GPATCH8: variants seen among roughly 807,000 people sequenced by gnomAD.
GPATCH8 encodes G patch domain-containing protein 8.
GPATCH8 carries 18 observed loss-of-function variants against 118.3 expected under a neutral mutation model. The observed-to-expected ratio is 0.15, with a 90% CI of 0.11 to 0.23. GPATCH8 has a LOEUF of 0.23. GPATCH8 is among the 10% of genes least tolerant of loss of function. The pLI is 1.00. For missense variants in GPATCH8, 1,631 were observed against 1,873.8 expected, an observed-to-expected ratio of 0.87 and a Z score of 2.39; for synonymous variants, 659 against 684.7, an observed-to-expected ratio of 0.96 and a Z score of 0.59.
At chr17:44,500,097 C>T (rs1016902133) in intron 1 of GPATCH8, among the ~76,000 whole-genome samples, 1 of 152,126 alleles carries the variant, frequency 6.6e-6, no homozygotes, top group Non-Finnish European at 1.5e-5. Context: ...CTAAAAGCTC[C>T]CTTATTCTTT....
intron 3 of GPATCH8, among the ~76,000 whole-genome samples, chr17:44,451,556 A>C (rs1476693821): frequency 2.0e-5 from 3 of 152,222 alleles, no homozygotes; most frequent in Non-Finnish European, 4.4e-5. Context: ...TACAAGATTG[A>C]ATATTTAAAA....
At chr17:44,453,216 G>A (rs920681042) in intron 3 of GPATCH8, among the ~76,000 whole-genome samples, 2 of 152,108 alleles carry the variant, frequency 1.3e-5, no homozygotes, top group African/African-American at 4.8e-5. Context: ...CAGATTGGAG[G>A]AGCATTAAGG....
At chr17:44,412,713 G>A (rs1289612576) in intron 6 of GPATCH8, among the ~76,000 whole-genome samples, 1 of 152,160 alleles carries the variant, frequency 6.6e-6, no homozygotes, top group East Asian at 1.9e-4. Flanking sequence ...AATAAAAAAA[G>A]ATGTGTTGTA....
chr17:44,461,118 A>G (rs549172109), intron 3 of GPATCH8, among the ~76,000 whole-genome samples: 1 of 152,348 alleles, frequency 6.6e-6, no homozygotes, highest in South Asian at 2.1e-4. Context: ...ACAACTGTAC[A>G]CTTAAAAATG....
chr17:44,464,789 T>C, intron 2 of GPATCH8: 2 of 488,368 alleles, frequency 4.1e-6, no homozygotes, highest in Non-Finnish European at 7.4e-6. Flanking sequence ...TGGGCAACTT[T>C]TGTATATAAC....
chr17:44,491,457 C>T (rs1411652119), intron 1 of GPATCH8, among the ~76,000 whole-genome samples: 1 of 142,232 alleles, frequency 7.0e-6, no homozygotes, highest in African/African-American at 2.7e-5. Context: ...CACTGCACTC[C>T]AGCCTGGTGA....
chr17:44,489,690 G>A (rs1045859685), intron 1 of GPATCH8, among the ~76,000 whole-genome samples: 4 of 151,584 alleles, frequency 2.6e-5, no homozygotes, highest in African/African-American at 9.8e-5. Flanking sequence ...AGAGGAAGGA[G>A]GAAAAATGTG....
intron 1 of GPATCH8, among the ~76,000 whole-genome samples, chr17:44,493,399 A>G (rs1478911199): frequency 6.6e-6 from 1 of 152,202 alleles, no homozygotes; most frequent in East Asian, 1.9e-4. Flanking sequence ...TGAAACAAAA[A>G]TTATAATCTT....
In GPATCH8 at chr17:44,400,964, G is replaced by A; in HGVS notation, c.1113C>T (p.Ala371=). The A allele has an allele frequency of 6.2e-7, 1 of 1,614,066 alleles. No individual in the cohort carries two copies. Among genetic ancestry groups the A allele is most frequent in the Non-Finnish European group, 8.5e-7 (1 of 1,179,992 alleles). ...DEDPQDGGSL[A]STLSKLKRMK... ...TCCTTTTTAATTTGGATAATGTTGA[G>A]GCAAGGGACCCTCCATCCTGAGGGT... The change falls in exon 8 of 8, where the codon GCC becomes GCT. Residue 371 remains alanine, a synonymous_variant. Transcript: ENST00000591680.
chr17:44,403,308 C>T (rs868361774), intron 7 of GPATCH8, among the ~76,000 whole-genome samples: 1 of 152,058 alleles, frequency 6.6e-6, no homozygotes, highest in African/African-American at 2.4e-5. Context: ...CTCTTGGCCT[C>T]GTGATCCACC....
chr17:44,398,047 G>A lies in GPATCH8; in HGVS notation c.4030C>T (p.Pro1344Ser), dbSNP rs1431246793. Residue 1344 changes from proline to serine, a missense_variant, in exon 8 of 8, where the codon CCA becomes TCA. Pro to Ser is a moderately conservative substitution (Grantham distance 74). Transcript: ENST00000591680. Reference sequence around the variant, plus strand: ...GCTGGGGCCAGGGCAGCTGAGGCTGGAAAGGCCTTTACTTGCTTGGCCAGA... The same window carrying A: ...GCTGGGGCCAGGGCAGCTGAGGCTGAAAAGGCCTTTACTTGCTTGGCCAGA... Reference protein sequence around the residue: ...QLLAKQVKAFPASAALAPATP... With the variant: ...QLLAKQVKAFSASAALAPATP... 1 of 1,613,844 alleles carries A rather than the reference G, an allele frequency of 6.2e-7. No individual in the cohort carries two copies.
At chr17:44,497,657 C>CAGCTGG (rs1301755558) in intron 1 of GPATCH8, among the ~76,000 whole-genome samples, 3 of 149,564 alleles carry the variant, frequency 2.0e-5, no homozygotes, top group Admixed American at 6.7e-5. Flanking sequence ...AACAGACTGT[C>CAGCTGG]AGCTGGGTGC....
At chr17:44,430,643 G>C (rs2050271903) in intron 5 of GPATCH8, among the ~76,000 whole-genome samples, 1 of 149,754 alleles carries the variant, frequency 6.7e-6, no homozygotes, top group Non-Finnish European at 1.5e-5. Flanking sequence ...GTTCACTGTT[G>C]CATTTTTTTT....
In GPATCH8 at chr17:44,395,676, T is replaced by C; in HGVS notation, c.*1892A>G. Reference sequence around the variant, plus strand: ...AGGAGGGTGGGAGGGCAGTCAAGAGTTGTGTTTGCCTGCCACTTTCTTTTC... The same window carrying C: ...AGGAGGGTGGGAGGGCAGTCAAGAGCTGTGTTTGCCTGCCACTTTCTTTTC... On this transcript the variant is annotated 3_prime_UTR_variant, in exon 8 of 8. Coordinates refer to ENST00000591680, the MANE Select transcript of GPATCH8 (RefSeq NM_001002909.4). 1 of 454,002 alleles carries C rather than the reference T, an allele frequency of 2.2e-6. No homozygotes were observed. 28.1% of individuals were successfully genotyped at this position (454,002 alleles called of 1,614,324 possible).
intron 3 of GPATCH8, among the ~76,000 whole-genome samples, chr17:44,460,181 T>G (rs887924463): frequency 4.6e-5 from 7 of 152,226 alleles, no homozygotes; most frequent in African/African-American, 1.7e-4. Context: ...CATTCACTCT[T>G]GCTTTATTCT....
intron 3 of GPATCH8, among the ~76,000 whole-genome samples, chr17:44,453,953 T>C (rs531685690): frequency 6.6e-6 from 1 of 152,094 alleles, no homozygotes; most frequent in South Asian, 2.1e-4. Context: ...ATTGAGGTGG[T>C]TTCTTCTGTT....
At chr17:44,486,165 A>G (rs1486402621) in intron 1 of GPATCH8, 1 of 152,210 alleles carries the variant, frequency 6.6e-6, no homozygotes, top group Admixed American at 6.5e-5. Context: ...CATACAAGAC[A>G]GTTTTTATTT....
chr17:44,430,009 GAGCAAGACTGTCTCAACAA>G (rs1380971894), intron 5 of GPATCH8, among the ~76,000 whole-genome samples: 61 of 152,314 alleles, frequency 4.0e-4, no homozygotes, highest in African/African-American at 1.4e-3. Context: ...CTGGGCGACA[GAGCAAGACTGTCTCAACAA>G]AGCAAGACTG....
chr17:44,475,386 GAAAAAAA>G (rs1167619822), intron 1 of GPATCH8, among the ~76,000 whole-genome samples: 2 of 90,956 alleles, frequency 2.2e-5, no homozygotes, highest in Non-Finnish European at 4.6e-5. Context: ...TCTCAAAAAA[GAAAAAAA>G]AAAAAAGAAA....
Sources: gnomAD v4.1 joint callset for allele counts (sites outside exome capture counted in the v4.1 genomes callset) on GRCh38, gnomAD v4.1.1 for gene constraint, MANE v1.5 for transcripts, NCBI Gene and HGNC (gene_info 2026-07-23, HGNC 2026-07-21) for gene names.